The following SIPA1L1 variants were observed in gnomAD, a reference collection of about 807,000 sequenced individuals.
SIPA1L1 encodes signal-induced proliferation-associated 1-like protein 1.
SIPA1L1 carries 26 observed loss-of-function variants against 162.7 expected under a neutral mutation model. The ratio of observed to expected loss-of-function variants is 0.16; its 90% CI spans 0.12 to 0.22. The LOEUF (loss-of-function observed/expected upper bound fraction) is 0.22, where lower values mean the gene tolerates loss of function less well. SIPA1L1 is among the 10% of genes least tolerant of loss of function. The pLI is 1.00. For synonymous variants in SIPA1L1, 829 were observed against 837.4 expected (o/e 0.99, Z 0.17); for missense variants, 1,874 against 2,241.0 (o/e 0.84, Z 3.31).
chr14:71,632,799 T>C (rs1179511210), intron 7 of SIPA1L1, among the ~76,000 whole-genome samples: 1 of 152,194 alleles, frequency 6.6e-6, no homozygotes, highest in Non-Finnish European at 1.5e-5. Flanking sequence ...TGCTTTCCCT[T>C]AGGTGTCATG....
rs374641638 is a variant in SIPA1L1, at chr14:71,623,698, C to T, written c.1630-350C>T. ...AGACATTGCTCTGGGGTTCTGCCTT[C>T]TTAATTTCCTAATTAGTATGCATAG... On this transcript the variant is annotated intron_variant, in intron 6 of 23. Coordinates refer to ENST00000381232, the MANE Select transcript of SIPA1L1 (RefSeq NM_001386936.1). 3.9e-5 allele frequency among the ~76,000 whole-genome samples: 6 copies of T among 152,272 alleles called. No homozygotes were observed. In the South Asian group the frequency reaches 1.2e-3, roughly 32 times the overall value.
In SIPA1L1 at chr14:71,671,517, T is replaced by C; in HGVS notation, c.2654T>C (p.Ile885Thr). 4 of 1,614,164 alleles carry C rather than the reference T, an allele frequency of 2.5e-6. No homozygotes were observed. Among genetic ancestry groups the C allele is most frequent in the African/African-American group, 2.7e-5 (2 of 75,042 alleles). Residue 885 changes from isoleucine to threonine, a missense_variant, in exon 11 of 24, where the codon ATT becomes ACT. Ile to Thr is a moderately conservative substitution (Grantham distance 89). Around this residue, in one of 5 missense-constraint regions of SIPA1L1, gnomAD observed 243 missense variants for 315.0 expected, o/e 0.77. Transcript: ENST00000381232. ...DCLLGISNEF[I>T]VLIEQETKSV... The stretch of plus-strand genomic sequence containing the variant: ...CTTTTAGGGATCTCCAATGAGTTCA[T>C]TGTGCTCATTGAACAGGAAACAAAG...
intron 2 of SIPA1L1, among the ~76,000 whole-genome samples, chr14:71,348,369 G>A (rs955218227): frequency 1.3e-5 from 2 of 152,108 alleles, no homozygotes; most frequent in Non-Finnish European, 2.9e-5. Flanking sequence ...TTTACAGCAT[G>A]TTTTCTTTTG....
intron 12 of SIPA1L1, among the ~76,000 whole-genome samples, chr14:71,676,885 A>T (rs2045261390): frequency 1.3e-5 from 2 of 152,148 alleles, no homozygotes; most frequent in Admixed American, 1.3e-4. Context: ...ATTGGTGGAC[A>T]TTTGGGTTGG....
intron 4 of SIPA1L1, among the ~76,000 whole-genome samples, chr14:71,580,855 G>T (rs1341863043): frequency 6.6e-6 from 1 of 151,912 alleles, no homozygotes; most frequent in East Asian, 1.9e-4. Context: ...TTATGAAGGT[G>T]ACACATGTTC....
rs566775851 is a variant in SIPA1L1 at position 71,406,941 on chromosome 14, TAAAG to T, written c.-465+85765_-465+85768del. ...TTCATTAGCACCTGATCACTTTTCA[TAAAG>T]AAAGTAACTAAAGTAGCTGGGCGCG... is the stretch of plus-strand genomic sequence containing the variant. On this transcript the variant is annotated intron_variant, in intron 2 of 23. Coordinates refer to ENST00000381232, the MANE Select transcript of SIPA1L1 (RefSeq NM_001386936.1). Among the ~76,000 whole-genome samples, 331 of 152,236 alleles carry T rather than the reference TAAAG, an allele frequency of 2.2e-3. 2 individuals are homozygous for T. Among genetic ancestry groups the T allele is most frequent in the Non-Finnish European group, 2.0e-3 (137 of 68,004 alleles).
intron 6 of SIPA1L1, among the ~76,000 whole-genome samples, chr14:71,622,240 A>G (rs2039524415): frequency 6.6e-6 from 1 of 152,264 alleles, no homozygotes; most frequent in African/African-American, 2.4e-5. Flanking sequence ...CAAAACATAA[A>G]AGAAGATATA....
chr14:71,737,503 G>A (rs1164382827), intron 22 of SIPA1L1, among the ~76,000 whole-genome samples: 1 of 151,930 alleles, frequency 6.6e-6, no homozygotes, highest in East Asian at 1.9e-4. Flanking sequence ...TCAGCCATAG[G>A]ACCCTCGGGG....
chr14:71,506,329 C>G (rs1326637232), intron 2 of SIPA1L1, among the ~76,000 whole-genome samples: 1 of 151,806 alleles, frequency 6.6e-6, no homozygotes, highest in Non-Finnish European at 1.5e-5. Flanking sequence ...AATTACTTGT[C>G]CAAGCAAATA....
At chr14:71,607,202 C>T (rs763503671) in intron 5 of SIPA1L1, among the ~76,000 whole-genome samples, 1 of 151,564 alleles carries the variant, frequency 6.6e-6, no homozygotes, top group Non-Finnish European at 1.5e-5. Flanking sequence ...CAGAACTTCA[C>T]TATGAACAAT....
intron 10 of SIPA1L1, among the ~76,000 whole-genome samples, chr14:71,664,470 AT>A (rs1264813546): frequency 2.0e-5 from 3 of 152,158 alleles, no homozygotes; most frequent in African/African-American, 4.8e-5. Context: ...TACATGAGAT[AT>A]TTTTATATAG....
intron 2 of SIPA1L1, among the ~76,000 whole-genome samples, chr14:71,407,066 A>C (rs376024876): frequency 1.3e-5 from 2 of 152,080 alleles, no homozygotes; most frequent in African/African-American, 4.8e-5. Flanking sequence ...AAATGGAGAA[A>C]CCCTGCCTCT....
intron 14 of SIPA1L1, among the ~76,000 whole-genome samples, chr14:71,701,458 C>T (rs1435447628): frequency 6.6e-6 from 1 of 151,966 alleles, no homozygotes; most frequent in Non-Finnish European, 1.5e-5. Context: ...TCAAGTGATC[C>T]TCCTGTATCT....
intron 7 of SIPA1L1, among the ~76,000 whole-genome samples, chr14:71,630,945 C>T (rs1201035162): frequency 6.6e-6 from 1 of 151,798 alleles, no homozygotes; most frequent in Non-Finnish European, 1.5e-5. Flanking sequence ...CATAGGTATA[C>T]ATGTGCCATG....
At chr14:71,322,865 G>A (rs1468164363) in intron 2 of SIPA1L1, among the ~76,000 whole-genome samples, 1 of 152,226 alleles carries the variant, frequency 6.6e-6, no homozygotes, top group Non-Finnish European at 1.5e-5. Flanking sequence ...CTTCTCTGCA[G>A]TTCCTGCTTC....
chr14:71,730,257 C>T lies in SIPA1L1; in HGVS notation c.4817C>T (p.Pro1606Leu), dbSNP rs763233359. ...STYPSLPKSL[P>L]LRRPSYTLGM... ...TACCCTTCTCTCCCCAAGTCGCTCC[C>T]GTTGAGGAGGCCTTCTTACACCTTA... Residue 1606 changes from proline to leucine, a missense_variant, in exon 20 of 24, where the codon CCG becomes CTG. Physicochemically the swap from Pro to Leu is moderately conservative, Grantham distance 98. Coordinates refer to ENST00000381232, the MANE Select transcript of SIPA1L1 (RefSeq NM_001386936.1). 5 of 1,614,128 alleles carry T rather than the reference C, an allele frequency of 3.1e-6. No individual in the cohort carries two copies. The highest frequency in any genetic ancestry group is 1.7e-5 in the Admixed American group (1 of 60,022).
chr14:71,515,554 T>C (rs895137127), intron 3 of SIPA1L1, among the ~76,000 whole-genome samples: 1 of 152,242 alleles, frequency 6.6e-6, no homozygotes, highest in Non-Finnish European at 1.5e-5. Flanking sequence ...TTGATGTCTC[T>C]ATGTAACTTA....
chr14:71,598,132 A>C, intron 5 of SIPA1L1: 1 of 805,618 alleles, frequency 1.2e-6, no homozygotes, highest in Non-Finnish European at 1.5e-6. Flanking sequence ...TCTTTTCAGG[A>C]AATGACATTA....
chr14:71,688,321 A>G (rs914413202), intron 13 of SIPA1L1, among the ~76,000 whole-genome samples: 1 of 152,202 alleles, frequency 6.6e-6, no homozygotes, highest in African/African-American at 2.4e-5. Context: ...CTGCAAGTGT[A>G]ATGCAAATAT....
Sources: gnomAD v4.1 joint callset for allele counts (sites outside exome capture counted in the v4.1 genomes callset) on GRCh38, gnomAD v4.1.1 for gene constraint, gnomAD v4.1.1 regional missense constraint, MANE v1.5 for transcripts, NCBI Gene and HGNC (gene_info 2026-07-23, HGNC 2026-07-21) for gene names.